Variants in DNM1L observed in about 807,000 individuals in gnomAD.
The protein encoded by DNM1L is dynamin 1L.
In DNM1L, 33 loss-of-function variants were observed where a neutral mutation model predicts 92.8. The observed-to-expected ratio is 0.36, with a 90% CI of 0.27 to 0.48. The LOEUF (loss-of-function observed/expected upper bound fraction) is 0.48, where lower values mean the gene tolerates loss of function less well. Among genes scored for constraint, DNM1L ranks in the 20% least tolerant of loss-of-function variants. DNM1L has a pLI of 0.99. For synonymous variants in DNM1L, 284 were observed against 305.0 expected (o/e 0.93, Z 0.72); for missense variants, 485 against 888.8 (o/e 0.55, Z 5.78).
In DNM1L at chr12:32,744,063, A is replaced by C. The variant is rs1955494834; in HGVS notation, c.*653A>C. ...TGGGTCCATTTGCACTAGCAAATTA[A>C]AATATGCTTTGATTCATACTTAAAC... On this transcript the variant is annotated 3_prime_UTR_variant, in exon 20 of 20. Coordinates refer to ENST00000549701, the MANE Select transcript of DNM1L (RefSeq NM_012062.5). 1 of 152,408 alleles carries C rather than the reference A, an allele frequency of 6.6e-6. No individual in the cohort carries two copies. The highest frequency in any genetic ancestry group is 2.1e-4 in the South Asian group (1 of 4,838). 9.4% of individuals were successfully genotyped at this position (152,408 alleles called of 1,614,324 possible). A position where few individuals can be genotyped will look rare whatever the true frequency, so the allele number is the denominator to read the frequency against.
intron 13 of DNM1L, among the ~76,000 whole-genome samples, chr12:32,735,352 C>T (rs1954799287): frequency 1.3e-5 from 2 of 152,136 alleles, no homozygotes; most frequent in African/African-American, 4.8e-5. Context: ...CTGCTGGGGT[C>T]CAGGAGCAGC....
chr12:32,739,624 G>A (rs146185142), intron 16 of DNM1L, among the ~76,000 whole-genome samples: 2,202 of 152,298 alleles, frequency 0.014, 46 homozygotes, highest in Admixed American at 0.063. Context: ...GTTCAGAGAC[G>A]TAAGTTCATG....
intron 6 of DNM1L, among the ~76,000 whole-genome samples, chr12:32,714,374 G>C (rs1953267600): frequency 6.7e-6 from 1 of 150,076 alleles, no homozygotes; most frequent in African/African-American, 2.5e-5. Flanking sequence ...CCGGGTTCAC[G>C]CCATTCTCCT....
At position 32,737,959 on chromosome 12, in the gene DNM1L, A is replaced by G; in HGVS notation, c.1674+17A>G. ...GATGGCAAGGTCTGTTCTGATTCTT[A>G]ATCTAAGCCTGCATGCCTTGTTCTC... On this transcript the variant is annotated intron_variant, in intron 15 of 19. Transcript: ENST00000549701. 6.2e-7 allele frequency: 1 copy of G among 1,612,676 alleles called. No individual in the cohort carries two copies. Among genetic ancestry groups the G allele is most frequent in the Non-Finnish European group, 8.5e-7 (1 of 1,179,238 alleles).
chr12:32,731,615 A>T lies in DNM1L; in HGVS notation c.1356+104A>T. On this transcript the variant is annotated intron_variant, in intron 11 of 19. Coordinates refer to ENST00000549701, the MANE Select transcript of DNM1L (RefSeq NM_012062.5). This position sits in a 1 kb window ranked among gnomAD's most constrained non-coding sequence, Gnocchi z 5.1. ...TGTATAAGATGGGATACAAGGTAAA[A>T]TCTGTAGTTCCCTTACCTGAAAGTG... 1 of 1,427,650 alleles carries T rather than the reference A, an allele frequency of 7.0e-7. No homozygotes were observed. Among genetic ancestry groups the T allele is most frequent in the African/African-American group, 1.4e-5 (1 of 71,398 alleles). The allele number at this position is 1,427,650 out of a possible 1,614,324, so 88.4% of individuals were successfully genotyped here.
At chr12:32,713,087 GTC>G (rs1337355519) in intron 5 of DNM1L, 120 bp from the exon 6 acceptor site, 3 of 918,908 alleles carry the variant, frequency 3.3e-6, no homozygotes, top group Non-Finnish European at 4.8e-6. Context: ...TATTAGTAAT[GTC>G]TTTATTTTTA....
At chr12:32,704,199 AT>A (rs1952826896) in intron 2 of DNM1L, among the ~76,000 whole-genome samples, 1 of 152,176 alleles carries the variant, frequency 6.6e-6, no homozygotes, top group African/African-American at 2.4e-5. Context: ...AAAAAAATTT[AT>A]TTTGGGGAGA....
intron 13 of DNM1L, among the ~76,000 whole-genome samples, chr12:32,734,102 A>G (rs1467460387): frequency 6.6e-6 from 1 of 152,246 alleles, no homozygotes; most frequent in Admixed American, 6.5e-5. Flanking sequence ...GGAAGTGTGT[A>G]CAACAAAGTA....
intron 9 of DNM1L, chr12:32,728,856 T>A (rs973487420): frequency 6.6e-6 from 1 of 152,454 alleles, no homozygotes; most frequent in Non-Finnish European, 1.5e-5. Flanking sequence ...CGATCTCGGC[T>A]CACTGCAACC....
At chr12:32,723,238 G>T (rs933073310) in intron 9 of DNM1L, among the ~76,000 whole-genome samples, 1 of 151,736 alleles carries the variant, frequency 6.6e-6, no homozygotes, top group Non-Finnish European at 1.5e-5. Context: ...TGGAAAAATG[G>T]CATAAACACT....
chr12:32,738,301 G>A lies in DNM1L; in HGVS notation c.1707+5G>A. ...AGCAGAAGAGAAACTAAAAATGTGAGTCTCTTGCTTCAGAATGGAAATGTT... is the reference window on the plus strand; with the variant it reads ...AGCAGAAGAGAAACTAAAAATGTGAATCTCTTGCTTCAGAATGGAAATGTT... On this transcript the variant is annotated splice_donor_5th_base_variant and intron_variant, in intron 16 of 19. Coordinates refer to ENST00000549701, the MANE Select transcript of DNM1L (RefSeq NM_012062.5). 6.2e-7 allele frequency: 1 copy of A among 1,613,582 alleles called. No individual in the cohort carries two copies. Among genetic ancestry groups the A allele is most frequent in the Non-Finnish European group, 8.5e-7 (1 of 1,179,696 alleles).
Position 32,718,656 on chromosome 12 carries a change from A to G in DNM1L, c.633A>G (p.Leu211=). 6.2e-7 allele frequency: 1 copy of G among 1,613,840 alleles called. No homozygotes were observed. Among genetic ancestry groups the G allele is most frequent in the Non-Finnish European group, 8.5e-7 (1 of 1,179,872 alleles). ...REVDPDGRRT[L]AVITKLDLMD... is the part of the protein sequence containing the mutation. ...TGCATTTACCAGGTCGCAGAACCCT[A>G]GCTGTAATCACTAAACTTGATCTCA... The change falls in exon 7 of 20, where the codon CTA becomes CTG. Residue 211 remains leucine (L), a synonymous_variant. Coordinates refer to ENST00000549701, the MANE Select transcript of DNM1L (RefSeq NM_012062.5).
intron 18 of DNM1L, among the ~76,000 whole-genome samples, chr12:32,741,874 G>A (rs1955321601): frequency 6.6e-6 from 1 of 151,494 alleles, no homozygotes; most frequent in African/African-American, 2.4e-5. Flanking sequence ...AGTACACTCT[G>A]TGCTGTGCAT....
rs2137611642 is a variant in DNM1L, at chr12:32,742,637, T to A, written c.2043T>A (p.Thr681=). 5 of 1,614,128 alleles carry A rather than the reference T, an allele frequency of 3.1e-6. No homozygotes were observed. The highest frequency in any genetic ancestry group is 4.2e-6 in the Non-Finnish European group (5 of 1,180,006). ...MHFLVNHVKD[T]LQSELVGQLY... The stretch of plus-strand genomic sequence containing the variant: ...TTTTGGTTAATCATGTGAAAGACAC[T>A]CTTCAGAGTGAGCTAGTAGGCCAGC... The change falls in exon 19 of 20, where the codon ACT becomes ACA. Residue 681 remains threonine (T), a synonymous_variant. Transcript: ENST00000549701.
chr12:32,681,214 T>C (rs186756710), intron 1 of DNM1L, among the ~76,000 whole-genome samples: 319 of 152,242 alleles, frequency 2.1e-3, no homozygotes, highest in African/African-American at 7.4e-3. Flanking sequence ...AAGAGGTCAG[T>C]TTTTCTACTT....
At position 32,708,679 on chromosome 12, in the gene DNM1L, G is replaced by C. The variant is rs553836973; in HGVS notation, c.369+455G>C. ...TATGAAAGCAAAAAGAGACAAATTG[G>C]GAATTTTTTTTTCTTTTTTTTAGTG... On this transcript the variant is annotated intron_variant, in intron 4 of 19. Coordinates refer to ENST00000549701, the MANE Select transcript of DNM1L (RefSeq NM_012062.5). Among the ~76,000 whole-genome samples, 307 of 151,854 alleles carry C rather than the reference G, an allele frequency of 2.0e-3. 1 individual carries two copies. The highest frequency in any genetic ancestry group is 6.7e-3 in the African/African-American group (278 of 41,448).
intron 9 of DNM1L, among the ~76,000 whole-genome samples, chr12:32,727,899 G>A (rs1954259355): frequency 6.6e-6 from 1 of 152,158 alleles, no homozygotes; most frequent in South Asian, 2.1e-4. Context: ...GTAGAAGTAA[G>A]TTTATTAGAT....
In DNM1L at chr12:32,679,466, G is replaced by C; in HGVS notation, c.102+1G>C. On this transcript the variant is annotated splice_donor_variant, in intron 1 of 19. Coordinates refer to ENST00000549701, the MANE Select transcript of DNM1L (RefSeq NM_012062.5). LOFTEE classifies it high-confidence loss of function. ...TCAAATCGTCGTAGTGGGAACGCAG[G>C]TGAGAGCAGCAGGCGGCGTTCGCTC... The C allele has an allele frequency of 6.2e-7, 1 of 1,611,202 alleles. No homozygotes were observed. Among genetic ancestry groups the C allele is most frequent in the Non-Finnish European group, 8.5e-7 (1 of 1,179,336 alleles).
intron 6 of DNM1L, among the ~76,000 whole-genome samples, chr12:32,716,746 A>G (rs1182193164): frequency 2.1e-5 from 3 of 140,274 alleles, no homozygotes; most frequent in African/African-American, 8.7e-5. Context: ...TATATAGTAT[A>G]TATATATATA....
Sources: allele counts gnomAD v4.1 joint callset (sites outside exome capture counted in the v4.1 genomes callset), GRCh38; gene constraint gnomAD v4.1.1; non-coding constraint Gnocchi (gnomAD v3.1); transcripts MANE v1.5; gene names NCBI Gene and HGNC (gene_info 2026-07-23, HGNC 2026-07-21).